The following ANKRD11 variants were observed in gnomAD, a reference collection of about 807,000 sequenced individuals.
ANKRD11 encodes ankyrin repeat domain-containing protein 11.
ANKRD11 carries 17 observed loss-of-function variants against 195.7 expected under a neutral mutation model. The observed-to-expected ratio is 0.09, with a 90% CI of 0.06 to 0.13. The LOEUF (loss-of-function observed/expected upper bound fraction) is 0.13, where lower values mean the gene tolerates loss of function less well. Ranked by LOEUF, ANKRD11 falls within the 10% of genes least tolerant of loss-of-function variation. The probability of loss-of-function intolerance (pLI) is 1.00; values close to 1 mark genes in which losing one functional copy is unlikely to be tolerated. For missense variants in ANKRD11, 3,735 were observed against 3,566.1 expected, an observed-to-expected ratio of 1.05 and a Z score of -1.21; for synonymous variants, 1,953 against 1,528.1, an observed-to-expected ratio of 1.28 and a Z score of -6.49.
chr16:89,270,543 C>G lies in ANKRD11; in HGVS notation c.7806+274G>C. On this transcript the variant is annotated intron_variant, in intron 12 of 12. Coordinates refer to ENST00000301030, the MANE Select transcript of ANKRD11 (RefSeq NM_013275.6). ...GGCTCACAGGGCAGTCCCAGGAGTT[C>G]TGACCATCAAGCCTAGGGTCCTGTT... The G allele has an allele frequency of 8.0e-6, 4 of 499,912 alleles. No individual in the cohort carries two copies. In the South Asian group the frequency reaches 8.1e-5, roughly 10 times the overall value. 31.0% of individuals were successfully genotyped at this position (499,912 alleles called of 1,614,324 possible).
intron 1 of ANKRD11, among the ~76,000 whole-genome samples, chr16:89,461,353 T>C (rs1349531856): frequency 2.0e-5 from 3 of 152,028 alleles, no homozygotes; most frequent in African/African-American, 7.2e-5. Context: ...AGAGGGATGG[T>C]GGTGATGGCT....
At chr16:89,488,176 A>T (rs2057684316) in intron 1 of ANKRD11, among the ~76,000 whole-genome samples, 1 of 152,342 alleles carries the variant, frequency 6.6e-6, no homozygotes, top group Middle Eastern at 3.4e-3. Context: ...TTTCAAGTTT[A>T]GGTCAAATTT....
Position 89,280,446 on chromosome 16 carries a change from C to T in ANKRD11, c.6096G>A (p.Pro2032=), listed in dbSNP as rs1186114491. ...PAPYALPVAE[P]GLEDVKDGVD... ...CTCCGTCCTTGACGTCCTCCAGCCC[C>T]GGCTCAGCGACGGGCAGAGCGTACG... Residue 2032 remains proline, a synonymous_variant, in exon 9 of 13, where the codon CCG becomes CCA. Transcript: ENST00000301030. 3.2e-6 allele frequency: 5 copies of T among 1,586,008 alleles called. No individual in the cohort carries two copies. Among genetic ancestry groups the T allele is most frequent in the Non-Finnish European group, 4.3e-6 (5 of 1,164,596 alleles).
chr16:89,393,579 T>A lies in ANKRD11; in HGVS notation c.-60+24705A>T, dbSNP rs550506147. Among the ~76,000 whole-genome samples the A allele has an allele frequency of 1.0e-3, 147 of 146,488 alleles. No individual in the cohort carries two copies. In the Middle Eastern group the frequency reaches 0.011, roughly 11 times the overall value. On this transcript the variant is annotated intron_variant, in intron 2 of 12. Transcript: ENST00000301030. The stretch of plus-strand genomic sequence containing the variant: ...TGGTCTCGAACTCCCGACCTCAGAG[T>A]GATTTGCCCGCCTCAGCCTCCCAAA...
chr16:89,366,530 G>A (rs758842702), intron 2 of ANKRD11, among the ~76,000 whole-genome samples: 8 of 152,320 alleles, frequency 5.3e-5, no homozygotes, highest in Non-Finnish European at 8.8e-5. Context: ...GCTGACTGGT[G>A]TGAGATGGTG....
At chr16:89,437,590 T>C (rs1322651340) in intron 1 of ANKRD11, among the ~76,000 whole-genome samples, 1 of 152,018 alleles carries the variant, frequency 6.6e-6, no homozygotes, top group Admixed American at 6.6e-5. Context: ...CTGACATCTC[T>C]CCCAAGAGCC....
chr16:89,351,563 T>C (rs763010236), intron 2 of ANKRD11, among the ~76,000 whole-genome samples: 4 of 152,200 alleles, frequency 2.6e-5, no homozygotes, highest in African/African-American at 9.6e-5. Context: ...GGCAGGTCTG[T>C]AAGTTAAGGC....
intron 2 of ANKRD11, among the ~76,000 whole-genome samples, chr16:89,336,327 C>T (rs868722432): frequency 2.0e-5 from 3 of 152,238 alleles, no homozygotes; most frequent in African/African-American, 2.4e-5. Context: ...CGCAACTGCC[C>T]GCACCTCCAA....
In ANKRD11 at chr16:89,319,796, C is replaced by A. The variant is rs184941826; in HGVS notation, c.-59-2718G>T. On this transcript the variant is annotated intron_variant, in intron 2 of 12. Transcript: ENST00000301030. ...GGCACCAGGCGTGCAGCACGCGGCCCACTCTAGAGTCTTTTTCAATGAGAG... is the reference window on the plus strand; with the variant it reads ...GGCACCAGGCGTGCAGCACGCGGCCAACTCTAGAGTCTTTTTCAATGAGAG... Among the ~76,000 whole-genome samples the A allele has an allele frequency of 2.8e-3, 426 of 152,374 alleles. 3 individuals carry two copies. Among genetic ancestry groups the A allele is most frequent in the South Asian group, 5.0e-3 (24 of 4,830 alleles).
chr16:89,487,024 A>G (rs1261144264), intron 1 of ANKRD11, among the ~76,000 whole-genome samples: 1 of 149,628 alleles, frequency 6.7e-6, no homozygotes, highest in East Asian at 2.0e-4. Flanking sequence ...AAAAAAAAAG[A>G]AAAAAACAAT....
chr16:89,338,069 C>A (rs556566028), intron 2 of ANKRD11, among the ~76,000 whole-genome samples: 3 of 152,230 alleles, frequency 2.0e-5, no homozygotes, highest in Non-Finnish European at 4.4e-5. Context: ...GTGTCGCGCT[C>A]TGCCACTCAG....
intron 11 of ANKRD11, among the ~76,000 whole-genome samples, chr16:89,274,421 CG>C (rs1264737622): frequency 6.6e-6 from 1 of 151,644 alleles, no homozygotes; most frequent in Non-Finnish European, 1.5e-5. Context: ...TGAAAGCCCT[CG>C]ATGTGGCAGC....
intron 3 of ANKRD11, among the ~76,000 whole-genome samples, chr16:89,308,775 G>A (rs539544717): frequency 2.0e-5 from 3 of 152,320 alleles, no homozygotes; most frequent in South Asian, 4.1e-4. Context: ...GAATACAAAT[G>A]GAATACCGCA....
intron 9 of ANKRD11, among the ~76,000 whole-genome samples, chr16:89,275,714 G>A (rs1031551042): frequency 6.6e-6 from 1 of 152,218 alleles, no homozygotes; most frequent in African/African-American, 2.4e-5. Flanking sequence ...GTCCCCGTGG[G>A]GGCTGGGGGA....
At chr16:89,455,919 T>G (rs190884913) in intron 1 of ANKRD11, among the ~76,000 whole-genome samples, 1 of 152,234 alleles carries the variant, frequency 6.6e-6, no homozygotes, top group East Asian at 1.9e-4. Context: ...TGTGCACACA[T>G]GCTCACAGCA....
At chr16:89,475,243 T>C (rs2152358825) in intron 1 of ANKRD11, among the ~76,000 whole-genome samples, 1 of 152,266 alleles carries the variant, frequency 6.6e-6, no homozygotes, top group Non-Finnish European at 1.5e-5. Flanking sequence ...GCCCACAGCA[T>C]TTAAGCTGGA....
At chr16:89,343,222 C>T (rs1016166674) in intron 2 of ANKRD11, among the ~76,000 whole-genome samples, 1 of 152,170 alleles carries the variant, frequency 6.6e-6, no homozygotes, top group Non-Finnish European at 1.5e-5. Flanking sequence ...AACTCCTGAC[C>T]TCAAGAGTGA....
At chr16:89,314,374 C>A (rs2036814547) in intron 3 of ANKRD11, among the ~76,000 whole-genome samples, 1 of 152,210 alleles carries the variant, frequency 6.6e-6, no homozygotes, top group Non-Finnish European at 1.5e-5. Flanking sequence ...CACGTGTGAA[C>A]AGAGCTCGCA....
intron 3 of ANKRD11, chr16:89,313,438 C>T (rs1430104665): frequency 1.6e-6 from 2 of 1,289,210 alleles, no homozygotes; most frequent in Non-Finnish European, 2.0e-6. Context: ...GGCCCTTTCT[C>T]TGACACGCCT....
Sources: gnomAD v4.1 joint callset for allele counts (sites outside exome capture counted in the v4.1 genomes callset) on GRCh38, gnomAD v4.1.1 for gene constraint, MANE v1.5 for transcripts, NCBI Gene and HGNC (gene_info 2026-07-23, HGNC 2026-07-21) for gene names.